Variants in MMP26 observed in about 807,000 individuals in gnomAD.
MMP26 encodes the protein matrix metalloproteinase-26.
In MMP26, 33 loss-of-function variants were observed where a neutral mutation model predicts 31.0. That is an observed-to-expected ratio of 1.06 (90% CI 0.81 to 1.42). The LOEUF (loss-of-function observed/expected upper bound fraction) is 1.42, where lower values mean the gene tolerates loss of function less well. MMP26 is among the 40% of genes most tolerant of loss of function. The probability of loss-of-function intolerance (pLI) is 0.00; values close to 1 mark genes in which losing one functional copy is unlikely to be tolerated. For synonymous variants in MMP26, 122 were observed against 114.9 expected (o/e 1.06, Z -0.40); for missense variants, 347 against 316.1 (o/e 1.10, Z -0.74).
rs61744535 is a variant in MMP26, at chr11:4,954,923, C to G, written c.-144-33145C>G. On this transcript the variant is annotated intron_variant, in intron 2 of 7. Coordinates refer to ENST00000380390, the MANE Select transcript of MMP26 (RefSeq NM_021801.5). ...GAGGGGAGAGACATGCCCGGCAAAG[C>G]GGTGGACAACGGCCAGGTTGATGAT... The G allele has an allele frequency of 2.0e-4, 235 of 1,176,860 alleles. 15 individuals are homozygous for G. Among genetic ancestry groups the G allele is most frequent in the Non-Finnish European group, 2.7e-4 (221 of 827,232 alleles). The allele number at this position is 1,176,860 out of a possible 1,614,324, so 72.9% of individuals were successfully genotyped here.
chr11:4,969,590 A>C (rs1390051002), intron 2 of MMP26, among the ~76,000 whole-genome samples: 3 of 151,956 alleles, frequency 2.0e-5, no homozygotes, highest in Non-Finnish European at 2.9e-5. Flanking sequence ...ATTTTTGTTT[A>C]TTTTTGTTTG....
At chr11:4,734,163 A>T (rs12290766) in intron 1 of MMP26, among the ~76,000 whole-genome samples, 5 of 152,296 alleles carry the variant, frequency 3.3e-5, no homozygotes, top group Non-Finnish European at 5.9e-5. Context: ...ACATCATGAT[A>T]AAATGGCTTC....
chr11:4,933,842 C>T (rs917694973), intron 2 of MMP26, among the ~76,000 whole-genome samples: 22 of 149,370 alleles, frequency 1.5e-4, no homozygotes, highest in African/African-American at 3.5e-4. Flanking sequence ...TTTATTCTTG[C>T]GATAGTTTAC....
intron 2 of MMP26, among the ~76,000 whole-genome samples, chr11:4,806,896 C>T (rs559860939): frequency 4.6e-5 from 7 of 152,092 alleles, no homozygotes; most frequent in African/African-American, 1.2e-4. Context: ...CTGTTTGAGC[C>T]GAAGTCTTTC....
intron 2 of MMP26, among the ~76,000 whole-genome samples, chr11:4,868,493 T>C (rs1466188296): frequency 6.6e-6 from 1 of 152,060 alleles, no homozygotes; most frequent in East Asian, 1.9e-4. Flanking sequence ...ATAAAATACC[T>C]AGGAATCCAA....
intron 1 of MMP26, among the ~76,000 whole-genome samples, chr11:4,714,196 G>T (rs1375336413): frequency 6.6e-6 from 1 of 152,186 alleles, no homozygotes; most frequent in Non-Finnish European, 1.5e-5. Flanking sequence ...TTTTAAGAAT[G>T]AGGGGGACTT....
At chr11:4,987,836 C>T (rs1011029320) in intron 2 of MMP26, among the ~76,000 whole-genome samples, 9 of 152,058 alleles carry the variant, frequency 5.9e-5, no homozygotes, top group African/African-American at 2.2e-4. Context: ...ATGTCTCTGA[C>T]TGGTAATTAT....
intron 2 of MMP26, among the ~76,000 whole-genome samples, chr11:4,823,344 T>C (rs567280524): frequency 2.0e-5 from 3 of 152,172 alleles, no homozygotes; most frequent in Admixed American, 6.6e-5. Context: ...CCAAGCCTTT[T>C]AGCAAAGTCC....
In MMP26 at chr11:4,954,464, G is replaced by C. The variant is rs562609723; in HGVS notation, c.-144-33604G>C. On this transcript the variant is annotated intron_variant, in intron 2 of 7. Coordinates refer to ENST00000380390, the MANE Select transcript of MMP26 (RefSeq NM_021801.5). ...TATAGAGAGACTGAATGTAGATAAC[G>C]AGGAATCCAACTTCTGTCAGAACTG... is the stretch of plus-strand genomic sequence containing the variant. Among the ~76,000 whole-genome samples, 2 of 119,368 alleles carry C rather than the reference G, an allele frequency of 1.7e-5. 1 individual carries two copies. The highest frequency in any genetic ancestry group is 3.8e-5 in the Non-Finnish European group (2 of 52,366). 78.3% of individuals were successfully genotyped at this position (119,368 alleles called of 152,430 possible).
chr11:4,943,582 G>A (rs956044430), intron 2 of MMP26: 5 of 421,820 alleles, frequency 1.2e-5, no homozygotes, highest in Admixed American at 2.6e-5. Context: ...TAGCGTCTCC[G>A]GCCTCTAATC....
At position 4,988,314 on chromosome 11, in the gene MMP26, G is replaced by A. The variant is rs376792321; in HGVS notation, c.99+4G>A. 8.7e-6 allele frequency: 14 copies of A among 1,612,874 alleles called. No individual in the cohort carries two copies. In the African/African-American group the frequency reaches 1.7e-4, roughly 20 times the overall value. ...TAAAGGATGGGACTTTGTTGAGGTA[G>A]GTGAACGACTCAGGACCACATTATT... On this transcript the variant is annotated splice_donor_region_variant and intron_variant, in intron 3 of 7. Transcript: ENST00000380390.
intron 2 of MMP26, among the ~76,000 whole-genome samples, chr11:4,870,325 T>C (rs190152299): frequency 6.7e-6 from 1 of 150,174 alleles, no homozygotes; most frequent in South Asian, 2.1e-4. Context: ...TTTTAAAACA[T>C]GTTGTTTAAA....
intron 2 of MMP26, among the ~76,000 whole-genome samples, chr11:4,814,862 G>T (rs1197109161): frequency 6.6e-6 from 1 of 152,116 alleles, no homozygotes. Context: ...ATCTGAGACA[G>T]GTCTCAATCA....
chr11:4,865,586 C>G (rs966359770), intron 2 of MMP26, among the ~76,000 whole-genome samples: 1 of 145,866 alleles, frequency 6.9e-6, no homozygotes, highest in Non-Finnish European at 1.5e-5. Flanking sequence ...TCTTCTTCTT[C>G]CTCCTCCTCC....
chr11:4,867,312 G>A (rs1461925910), intron 2 of MMP26, among the ~76,000 whole-genome samples: 1 of 150,446 alleles, frequency 6.6e-6, no homozygotes, highest in Non-Finnish European at 1.5e-5. Flanking sequence ...ACGTACATGT[G>A]ACCAACAAAC....
At chr11:4,761,315 C>T (rs904514186) in intron 1 of MMP26, among the ~76,000 whole-genome samples, 3 of 152,190 alleles carry the variant, frequency 2.0e-5, no homozygotes, top group Admixed American at 6.5e-5. Flanking sequence ...TGTTTCTGAT[C>T]GGAGAGCAGC....
chr11:4,721,688 T>C (rs953458287), intron 1 of MMP26, among the ~76,000 whole-genome samples: 5 of 152,214 alleles, frequency 3.3e-5, no homozygotes, highest in African/African-American at 7.2e-5. Context: ...TTCACTGTCA[T>C]CTTAATATCC....
chr11:4,885,586 T>G (rs554293716), intron 2 of MMP26, among the ~76,000 whole-genome samples: 1 of 152,074 alleles, frequency 6.6e-6, no homozygotes, highest in East Asian at 1.9e-4. Flanking sequence ...CCCTCTAGGT[T>G]TGTGTAAATA....
Position 4,907,964 on chromosome 11 carries a change from G to A in MMP26, c.-144-80104G>A, listed in dbSNP as rs764244487. 2.5e-6 allele frequency: 4 copies of A among 1,614,054 alleles called. 1 individual carries two copies. In the Admixed American group the frequency reaches 5.0e-5, roughly 20 times the overall value. ...TGACAACAAGACCAATGTCATCTAT[G>A]GCTTCTTCATTGCTCTCTGTACTAT... On this transcript the variant is annotated intron_variant, in intron 2 of 7. Transcript: ENST00000380390.
Sources: allele counts gnomAD v4.1 joint callset (sites outside exome capture counted in the v4.1 genomes callset), GRCh38; gene constraint gnomAD v4.1.1; transcripts MANE v1.5; gene names NCBI Gene and HGNC (gene_info 2026-07-23, HGNC 2026-07-21).